The following NEDD4L variants were observed in gnomAD, a reference collection of about 807,000 sequenced individuals.
NEDD4L encodes the protein NEDD4 like E3 ubiquitin protein ligase.
A neutral mutation model predicts 148.9 loss-of-function variants in NEDD4L; 54 were observed. The observed-to-expected ratio is 0.36, with a 90% confidence interval of 0.29 to 0.45. The LOEUF (loss-of-function observed/expected upper bound fraction) is 0.45, where lower values mean the gene tolerates loss of function less well. Ranked by LOEUF, NEDD4L falls within the 20% of genes least tolerant of loss-of-function variation. The probability of loss-of-function intolerance (pLI) is 1.00; values close to 1 mark genes in which losing one functional copy is unlikely to be tolerated. For missense variants in NEDD4L, 856 were observed against 1,233.8 expected (o/e 0.69, Z 4.59); for synonymous variants, 433 against 440.7 (o/e 0.98, Z 0.22).
chr18:58,210,092 G>A (rs1440297195), intron 2 of NEDD4L, among the ~76,000 whole-genome samples: 1 of 152,146 alleles, frequency 6.6e-6, no homozygotes, highest in Non-Finnish European at 1.5e-5. Context: ...CCCAAACCTG[G>A]GAGGCAGAGG....
chr18:58,196,443 C>A (rs959669980), intron 2 of NEDD4L, among the ~76,000 whole-genome samples: 1 of 152,156 alleles, frequency 6.6e-6, no homozygotes, highest in Non-Finnish European at 1.5e-5. Context: ...TATGGATAAA[C>A]GTGCAGTTAG....
chr18:58,130,450 G>T lies in NEDD4L; in HGVS notation c.49-35338G>T, dbSNP rs1188514381. On this transcript the variant is annotated intron_variant, in intron 1 of 30. Coordinates refer to ENST00000400345, the MANE Select transcript of NEDD4L (RefSeq NM_001144967.3). ...TGTGGCTGTGTTGGGCTCTGTTGGGGTTTGGTTGTGATCTAGCGGAACTGT... is the reference window on the plus strand; with the variant it reads ...TGTGGCTGTGTTGGGCTCTGTTGGGTTTTGGTTGTGATCTAGCGGAACTGT... Among the ~76,000 whole-genome samples the T allele has an allele frequency of 2.0e-5, 3 of 147,520 alleles. No individual in the cohort carries two copies. The East Asian group carries it at 6.2e-4, about 30-fold the overall frequency.
chr18:58,353,411 A>G (rs1172523114), intron 18 of NEDD4L, among the ~76,000 whole-genome samples: 2 of 152,258 alleles, frequency 1.3e-5, no homozygotes, highest in Non-Finnish European at 1.5e-5. Context: ...GCACAACCAT[A>G]TTGAAAGATT....
chr18:58,296,570 C>T (rs879406894), intron 5 of NEDD4L, among the ~76,000 whole-genome samples: 3 of 152,194 alleles, frequency 2.0e-5, no homozygotes, highest in Non-Finnish European at 2.9e-5. Context: ...CAGCCTCTGC[C>T]GCTGGGGCTG....
intron 12 of NEDD4L, among the ~76,000 whole-genome samples, chr18:58,335,080 T>A (rs1568740980): frequency 6.6e-6 from 1 of 152,198 alleles, no homozygotes; most frequent in Non-Finnish European, 1.5e-5. Flanking sequence ...AACTGGTGAT[T>A]CCTCCCTCTT....
At chr18:58,144,373 A>T (rs1376538025) in intron 1 of NEDD4L, among the ~76,000 whole-genome samples, 1 of 152,028 alleles carries the variant, frequency 6.6e-6, no homozygotes, top group Non-Finnish European at 1.5e-5. Context: ...GGGTTGGGTC[A>T]CACACTTTTA....
At chr18:58,123,599 T>A (rs1193886075) in intron 1 of NEDD4L, among the ~76,000 whole-genome samples, 1 of 152,164 alleles carries the variant, frequency 6.6e-6, no homozygotes, top group Non-Finnish European at 1.5e-5. Flanking sequence ...TGGACTTGCA[T>A]CTCTTCAGAT....
chr18:58,324,238 C>T (rs1443914535), intron 8 of NEDD4L, among the ~76,000 whole-genome samples: 1 of 152,220 alleles, frequency 6.6e-6, no homozygotes, highest in Non-Finnish European at 1.5e-5. Context: ...CTTCCAACCG[C>T]AGTAACCAGT....
intron 5 of NEDD4L, among the ~76,000 whole-genome samples, chr18:58,280,492 G>A (rs1600644612): frequency 6.6e-6 from 1 of 152,190 alleles, no homozygotes; most frequent in East Asian, 1.9e-4. Flanking sequence ...GGCTGGGTGC[G>A]AAGACCAGAT....
chr18:58,211,339 A>G (rs1328678013), intron 2 of NEDD4L, among the ~76,000 whole-genome samples: 1 of 152,244 alleles, frequency 6.6e-6, no homozygotes, highest in Non-Finnish European at 1.5e-5. Context: ...ACAATTGTCA[A>G]GGAAGCTGGA....
intron 1 of NEDD4L, among the ~76,000 whole-genome samples, chr18:58,085,044 A>G (rs2083687106): frequency 6.6e-6 from 1 of 152,108 alleles, no homozygotes; most frequent in Non-Finnish European, 1.5e-5. Flanking sequence ...TTGCGTGTCC[A>G]CATTTCCTCA....
chr18:58,088,311 G>T (rs1392418895), intron 1 of NEDD4L, among the ~76,000 whole-genome samples: 1 of 152,206 alleles, frequency 6.6e-6, no homozygotes, highest in Non-Finnish European at 1.5e-5. Flanking sequence ...GGTGAGTCCA[G>T]GAGGCAAGAA....
At chr18:58,080,857 C>T (rs544702223) in intron 1 of NEDD4L, among the ~76,000 whole-genome samples, 30 of 152,282 alleles carry the variant, frequency 2.0e-4, no homozygotes, top group African/African-American at 6.5e-4. Context: ...GTGAGGGCAA[C>T]AGTTCCCTAA....
intron 11 of NEDD4L, 55 bp from the exon 12 acceptor site, chr18:58,333,763 A>C (rs754458096): frequency 3.3e-5 from 42 of 1,259,618 alleles, no homozygotes; most frequent in Non-Finnish European, 4.8e-5. Flanking sequence ...AACCAATGAA[A>C]GTTGCTTTTA....
intron 1 of NEDD4L, among the ~76,000 whole-genome samples, chr18:58,096,561 G>A (rs1599245371): frequency 6.6e-6 from 1 of 151,832 alleles, no homozygotes; most frequent in East Asian, 1.9e-4. Context: ...GCACCACAAT[G>A]CCTGGCTAAT....
At chr18:58,105,295 C>T (rs1475186459) in intron 1 of NEDD4L, among the ~76,000 whole-genome samples, 1 of 152,104 alleles carries the variant, frequency 6.6e-6, no homozygotes, top group Non-Finnish European at 1.5e-5. Flanking sequence ...TCATCGGATG[C>T]TTTCGAGGAT....
chr18:58,072,439 C>G (rs565234338), intron 1 of NEDD4L, among the ~76,000 whole-genome samples: 1 of 152,296 alleles, frequency 6.6e-6, no homozygotes, highest in Admixed American at 6.5e-5. Flanking sequence ...ACCAAAACCA[C>G]TCAATGTAAT....
intron 5 of NEDD4L, among the ~76,000 whole-genome samples, chr18:58,264,635 C>T (rs1359291080): frequency 6.6e-6 from 1 of 152,012 alleles, no homozygotes; most frequent in Non-Finnish European, 1.5e-5. Flanking sequence ...TTTGAAATAT[C>T]TGTCACTGCA....
At chr18:58,255,337 G>A in intron 5 of NEDD4L, 1 of 282,922 alleles carries the variant, frequency 3.5e-6, no homozygotes, top group South Asian at 1.6e-4. Context: ...AAAAGAGCGA[G>A]TAGGGGAAAA....
Sources: gnomAD v4.1 joint callset for allele counts (sites outside exome capture counted in the v4.1 genomes callset) on GRCh38, gnomAD v4.1.1 for gene constraint, MANE v1.5 for transcripts, NCBI Gene and HGNC (gene_info 2026-07-23, HGNC 2026-07-21) for gene names.